The following ROBO2 variants were observed in gnomAD, a reference collection of about 807,000 sequenced individuals.
ROBO2 encodes roundabout homolog 2.
Under a neutral mutation model 160.8 loss-of-function variants are expected in ROBO2, and 53 were observed. That is an observed-to-expected ratio of 0.33 (90% CI 0.26 to 0.41). The LOEUF (loss-of-function observed/expected upper bound fraction) is 0.41. Ranked by LOEUF, ROBO2 falls within the 10% of genes least tolerant of loss-of-function variation. The pLI is 1.00. For missense variants in ROBO2, 1,577 were observed against 1,722.4 expected, an observed-to-expected ratio of 0.92 and a Z score of 1.49; for synonymous variants, 664 against 611.7, an observed-to-expected ratio of 1.09 and a Z score of -1.26.
intron 2 of ROBO2, among the ~76,000 whole-genome samples, chr3:76,427,968 T>C (rs2076286279): frequency 6.6e-6 from 1 of 152,162 alleles, no homozygotes; most frequent in Admixed American, 6.6e-5. Context: ...AATTTACAGG[T>C]TTAAAAAATA....
chr3:77,240,587 G>A (rs1230070110), intron 2 of ROBO2, among the ~76,000 whole-genome samples: 1 of 152,186 alleles, frequency 6.6e-6, no homozygotes, highest in African/African-American at 2.4e-5. Context: ...GGACACCGTG[G>A]CCGAGGAGGC....
chr3:76,051,271 C>T (rs2067646480), intron 2 of ROBO2, among the ~76,000 whole-genome samples: 1 of 91,312 alleles, frequency 1.1e-5, no homozygotes, highest in Non-Finnish European at 2.2e-5. Context: ...TGATATGTCA[C>T]TATGGTCATA....
At chr3:76,872,133 T>G (rs2072166064) in intron 2 of ROBO2, among the ~76,000 whole-genome samples, 1 of 152,150 alleles carries the variant, frequency 6.6e-6, no homozygotes. Context: ...TTTAGGCACA[T>G]AACCCCAAAA....
In ROBO2 at chr3:76,043,958, T is replaced by A. The variant is rs139150662; in HGVS notation, c.109+106356T>A. On this transcript the variant is annotated intron_variant, in intron 2 of 26. Transcript: ENST00000487694. ...ATTGTTTTGTAAAGTTACATCACGA[T>A]GTTGAGTGGTGGTGTTTTACACCCC... Among the ~76,000 whole-genome samples the A allele has an allele frequency of 8.9e-3, 1,352 of 152,110 alleles. 43 individuals carry two copies. Among genetic ancestry groups the A allele is most frequent in the African/African-American group, 0.031 (1,294 of 41,360 alleles).
At chr3:76,709,548 C>T (rs1406930511) in intron 2 of ROBO2, among the ~76,000 whole-genome samples, 4 of 152,190 alleles carry the variant, frequency 2.6e-5, no homozygotes, top group South Asian at 4.1e-4. Context: ...TGGAAAAGCA[C>T]GTATTACTTG....
At chr3:77,455,629 A>T (rs1023426734) in intron 2 of ROBO2, among the ~76,000 whole-genome samples, 2 of 151,788 alleles carry the variant, frequency 1.3e-5, no homozygotes, top group South Asian at 2.1e-4. Context: ...ATGGGGTTTC[A>T]CCATGTTGGC....
At chr3:76,711,529 C>A (rs1410889209) in intron 2 of ROBO2, among the ~76,000 whole-genome samples, 1 of 152,154 alleles carries the variant, frequency 6.6e-6, no homozygotes, top group Non-Finnish European at 1.5e-5. Context: ...TGATTAGGCT[C>A]ACTAGCTGGA....
At chr3:77,460,377 A>G (rs922733469) in intron 2 of ROBO2, among the ~76,000 whole-genome samples, 1 of 152,152 alleles carries the variant, frequency 6.6e-6, no homozygotes, top group African/African-American at 2.4e-5. Flanking sequence ...GACATTCAAG[A>G]CACTGTCAAG....
intron 2 of ROBO2, among the ~76,000 whole-genome samples, chr3:77,223,710 T>C (rs1402133901): frequency 6.6e-6 from 1 of 152,048 alleles, no homozygotes; most frequent in Non-Finnish European, 1.5e-5. Flanking sequence ...TAAAGAAAAA[T>C]CACTTTTGAA....
chr3:76,756,867 A>AG (rs2061004974), intron 2 of ROBO2, among the ~76,000 whole-genome samples: 4 of 151,524 alleles, frequency 2.6e-5, no homozygotes, highest in Non-Finnish European at 2.9e-5. Context: ...TTAAATTGCA[A>AG]CAGCAGCAGC....
intron 2 of ROBO2, among the ~76,000 whole-genome samples, chr3:77,461,146 A>G (rs545838578): frequency 8.3e-4 from 127 of 152,278 alleles, no homozygotes; most frequent in African/African-American, 2.9e-3. Flanking sequence ...AGAACCTGCA[A>G]TTTAATTATT....
At chr3:76,919,113 G>A (rs2076508473) in intron 2 of ROBO2, among the ~76,000 whole-genome samples, 1 of 151,902 alleles carries the variant, frequency 6.6e-6, no homozygotes, top group Admixed American at 6.6e-5. Context: ...TGGGTTGATA[G>A]GTACAGCAAA....
intron 2 of ROBO2, chr3:76,435,132 C>T (rs1168637745): frequency 7.1e-6 from 7 of 980,488 alleles, no homozygotes; most frequent in Non-Finnish European, 1.2e-5. Flanking sequence ...CTGTAAGAAG[C>T]TTGGTCTGGT....
chr3:76,104,107 T>C (rs1473282448), intron 2 of ROBO2, among the ~76,000 whole-genome samples: 2 of 152,204 alleles, frequency 1.3e-5, no homozygotes, highest in African/African-American at 2.4e-5. Context: ...TATAGGCCAG[T>C]GTGTTCATTA....
At chr3:77,237,165 C>T (rs1251685854) in intron 2 of ROBO2, among the ~76,000 whole-genome samples, 2 of 149,828 alleles carry the variant, frequency 1.3e-5, no homozygotes, top group African/African-American at 4.9e-5. Context: ...GACCATCATG[C>T]CTGGCCACTT....
At chr3:76,996,054 A>T (rs1483805926) in intron 2 of ROBO2, among the ~76,000 whole-genome samples, 1 of 152,158 alleles carries the variant, frequency 6.6e-6, no homozygotes, top group Non-Finnish European at 1.5e-5. Context: ...GGTATTGCCT[A>T]GGTTTTCTTT....
At chr3:77,501,340 A>C (rs1463426991) in intron 5 of ROBO2, among the ~76,000 whole-genome samples, 1 of 152,202 alleles carries the variant, frequency 6.6e-6, no homozygotes, top group East Asian at 1.9e-4. Context: ...AATTATATTA[A>C]CACAAATACT....
chr3:77,313,811 C>T (rs977868314), intron 2 of ROBO2, among the ~76,000 whole-genome samples: 2 of 152,088 alleles, frequency 1.3e-5, no homozygotes, highest in African/African-American at 2.4e-5. Flanking sequence ...CTCGAACTCC[C>T]GACCTCAGGT....
chr3:77,532,972 T>A (rs1488016208), intron 6 of ROBO2, among the ~76,000 whole-genome samples: 1 of 152,168 alleles, frequency 6.6e-6, no homozygotes, highest in South Asian at 2.1e-4. Flanking sequence ...ATTAAATAAG[T>A]AATTGGTTAA....
Sources: gnomAD v4.1 joint callset for allele counts (sites outside exome capture counted in the v4.1 genomes callset) on GRCh38, gnomAD v4.1.1 for gene constraint, MANE v1.5 for transcripts, NCBI Gene and HGNC (gene_info 2026-07-23, HGNC 2026-07-21) for gene names.